Variants in CDH12 observed in about 807,000 individuals in gnomAD.
The protein encoded by CDH12 is cadherin 12, also known as cadherin-12.
In CDH12, 41 loss-of-function variants were observed where a neutral mutation model predicts 74.1. The observed-to-expected ratio is 0.55, with a 90% CI of 0.43 to 0.72. The LOEUF (loss-of-function observed/expected upper bound fraction) is 0.72. Among genes scored for constraint, CDH12 ranks in the 30% least tolerant of loss-of-function variants. The pLI is 0.00. For synonymous variants in CDH12, 399 were observed against 355.0 expected (o/e 1.12, Z -1.39); for missense variants, 945 against 977.2 (o/e 0.97, Z 0.44).
intron 1 of CDH12, among the ~76,000 whole-genome samples, chr5:22,668,196 T>C (rs908711215): frequency 6.6e-6 from 1 of 152,168 alleles, no homozygotes; most frequent in Non-Finnish European, 1.5e-5. Flanking sequence ...TTCTAATCTT[T>C]CTAACTCTAG....
At chr5:21,817,227 T>G in intron 8 of CDH12, 95 bp from the exon 9 acceptor site, 1 of 806,328 alleles carries the variant, frequency 1.2e-6, no homozygotes, top group East Asian at 2.7e-5. Flanking sequence ...TGAAAGTAAA[T>G]CACATTTAGA....
chr5:22,387,869 G>A (rs1561365344), intron 3 of CDH12, among the ~76,000 whole-genome samples: 3 of 151,968 alleles, frequency 2.0e-5, no homozygotes, highest in Non-Finnish European at 4.4e-5. Context: ...TTTTATAATA[G>A]GCATGAAAAT....
At chr5:22,702,836 T>C (rs1247031072) in intron 1 of CDH12, among the ~76,000 whole-genome samples, 2 of 152,160 alleles carry the variant, frequency 1.3e-5, no homozygotes, top group African/African-American at 2.4e-5. Flanking sequence ...TCTGCTATTA[T>C]CAAATAATGC....
intron 10 of CDH12, among the ~76,000 whole-genome samples, chr5:21,784,002 C>G (rs16888405): frequency 0.017 from 2,612 of 152,160 alleles, 67 homozygotes; most frequent in African/African-American, 0.053. Context: ...AATATTTCCT[C>G]AAACACATAT....
At chr5:22,148,913 G>C (rs898489261) in intron 4 of CDH12, among the ~76,000 whole-genome samples, 3 of 152,204 alleles carry the variant, frequency 2.0e-5, no homozygotes, top group African/African-American at 7.2e-5. Context: ...GAGGTCAGGA[G>C]TTTAAGACCA....
At chr5:22,765,123 GT>G (rs1746434824) in intron 1 of CDH12, among the ~76,000 whole-genome samples, 1 of 151,802 alleles carries the variant, frequency 6.6e-6, no homozygotes, top group Admixed American at 6.6e-5. Context: ...ATTAAACAAT[GT>G]GCACGTTTCA....
At chr5:21,767,530 GT>G (rs1745095908) in intron 11 of CDH12, among the ~76,000 whole-genome samples, 1 of 151,414 alleles carries the variant, frequency 6.6e-6, no homozygotes, top group African/African-American at 2.4e-5. Flanking sequence ...ACAATGTTTT[GT>G]TGTGTGAAAC....
intron 1 of CDH12, among the ~76,000 whole-genome samples, chr5:22,632,349 C>T (rs1030882536): frequency 6.6e-6 from 1 of 151,940 alleles, no homozygotes; most frequent in African/African-American, 2.4e-5. Flanking sequence ...TGCGCTAATA[C>T]ATTAAATAAA....
intron 1 of CDH12, among the ~76,000 whole-genome samples, chr5:22,719,359 C>T (rs1275550937): frequency 6.6e-6 from 1 of 152,136 alleles, no homozygotes; most frequent in Non-Finnish European, 1.5e-5. Flanking sequence ...TAATCAGAAT[C>T]ATGGAATAGA....
chr5:21,755,545 A>AAG, intron 14 of CDH12, 46 bp downstream of exon 14: 1 of 1,570,434 alleles, frequency 6.4e-7, no homozygotes, highest in Non-Finnish European at 8.7e-7. Context: ...GAAAAAAAGG[A>AAG]AGAGAGAGCG....
chr5:21,921,815 A>T (rs1488205020), intron 6 of CDH12, among the ~76,000 whole-genome samples: 2 of 152,212 alleles, frequency 1.3e-5, no homozygotes, highest in Non-Finnish European at 2.9e-5. Flanking sequence ...CAGGAGAGAC[A>T]TGGAAGACTG....
At chr5:21,892,230 T>C (rs1044827340) in intron 6 of CDH12, among the ~76,000 whole-genome samples, 1 of 152,180 alleles carries the variant, frequency 6.6e-6, no homozygotes, top group Non-Finnish European at 1.5e-5. Context: ...TGTTTATTAA[T>C]TGATATGCAA....
At chr5:22,426,109 C>A (rs1225855596) in intron 2 of CDH12, among the ~76,000 whole-genome samples, 2 of 150,884 alleles carry the variant, frequency 1.3e-5, no homozygotes, top group Non-Finnish European at 2.9e-5. Context: ...ATTGCTTGAA[C>A]CTGGGAGGCA....
At chr5:22,438,550 C>T (rs1415911729) in intron 2 of CDH12, among the ~76,000 whole-genome samples, 1 of 151,958 alleles carries the variant, frequency 6.6e-6, no homozygotes, top group Non-Finnish European at 1.5e-5. Flanking sequence ...CCATTTGGCA[C>T]ATATGCTACT....
intron 5 of CDH12, among the ~76,000 whole-genome samples, chr5:22,058,097 C>T (rs1031468654): frequency 6.6e-5 from 10 of 151,806 alleles, no homozygotes; most frequent in Admixed American, 4.6e-4. Context: ...TGCTCTGTCG[C>T]CCAGGCTGGA....
chr5:22,178,148 T>A (rs1032208014), intron 4 of CDH12, among the ~76,000 whole-genome samples: 1 of 152,176 alleles, frequency 6.6e-6, no homozygotes, highest in Non-Finnish European at 1.5e-5. Flanking sequence ...ATCTAATTGG[T>A]CATGCCCCTC....
intron 1 of CDH12, among the ~76,000 whole-genome samples, chr5:22,569,528 CA>C (rs2126763500): frequency 6.6e-6 from 1 of 152,322 alleles, no homozygotes; most frequent in African/African-American, 2.4e-5. Context: ...TATAGCAACA[CA>C]AGAATGGTCT....
At chr5:22,702,185 T>C (rs1405702827) in intron 1 of CDH12, among the ~76,000 whole-genome samples, 8 of 152,094 alleles carry the variant, frequency 5.3e-5, no homozygotes, top group Non-Finnish European at 1.5e-5. Context: ...AACTACTCAT[T>C]GTGTATTGAA....
chr5:22,009,834 T>G (rs1333524906), intron 5 of CDH12, among the ~76,000 whole-genome samples: 1 of 147,342 alleles, frequency 6.8e-6, no homozygotes, highest in African/African-American at 2.5e-5. Context: ...AAAAATTAGC[T>G]GAGCGTGGTG....
Sources: allele counts gnomAD v4.1 joint callset (sites outside exome capture counted in the v4.1 genomes callset), GRCh38; gene constraint gnomAD v4.1.1; transcripts MANE v1.5; gene names NCBI Gene and HGNC (gene_info 2026-07-23, HGNC 2026-07-21).